Variants in RPS6KC1 observed in about 807,000 individuals in gnomAD.
The protein encoded by RPS6KC1 is ribosomal protein S6 kinase C1, also known as inactive ribosomal protein S6 kinase delta-1.
RPS6KC1 carries 54 observed loss-of-function variants against 103.8 expected under a neutral mutation model. The observed-to-expected ratio is 0.52, with a 90% CI of 0.42 to 0.65. The LOEUF (loss-of-function observed/expected upper bound fraction) is 0.65, where lower values mean the gene tolerates loss of function less well. Among genes scored for constraint, RPS6KC1 ranks in the 30% least tolerant of loss-of-function variants. RPS6KC1 has a pLI of 0.00. For synonymous variants in RPS6KC1, 439 were observed against 438.7 expected (o/e 1.00, Z -0.01); for missense variants, 1,151 against 1,253.8 (o/e 0.92, Z 1.24).
the RPS6KC1 span, among the ~76,000 whole-genome samples, chr1:213,735,525 C>G: frequency 3.3e-5 from 5 of 152,306 alleles, no homozygotes; most frequent in East Asian, 7.7e-4. Context: ...TGAGGTTGGC[C>G]TACAATGTGA....
At chr1:213,324,726 AATCTTG>A in the RPS6KC1 span, among the ~76,000 whole-genome samples, 3 of 150,688 alleles carry the variant, frequency 2.0e-5, no homozygotes, top group African/African-American at 7.3e-5. Flanking sequence ...TATTCCTACT[AATCTTG>A]TGGTGCTTGG....
intron 1 of RPS6KC1, among the ~76,000 whole-genome samples, chr1:213,062,842 C>T (rs1402754044): frequency 1.3e-5 from 2 of 152,092 alleles, no homozygotes; most frequent in African/African-American, 2.4e-5. Context: ...CGTGAGCCAT[C>T]GCATCCGGGC....
the RPS6KC1 span, among the ~76,000 whole-genome samples, chr1:213,407,973 T>G: frequency 6.6e-6 from 1 of 152,184 alleles, no homozygotes; most frequent in Non-Finnish European, 1.5e-5. Flanking sequence ...TTAATAAAAA[T>G]TTATTGAATG....
chr1:213,394,032 G>C, the RPS6KC1 span, among the ~76,000 whole-genome samples: 1 of 152,172 alleles, frequency 6.6e-6, no homozygotes, highest in Non-Finnish European at 1.5e-5. Flanking sequence ...CAAGGGACAT[G>C]GAGCCGTGGA....
chr1:213,243,954 A>G (rs575076154), intron 12 of RPS6KC1, among the ~76,000 whole-genome samples: 5 of 152,300 alleles, frequency 3.3e-5, no homozygotes, highest in South Asian at 2.1e-4. Context: ...GAGAATACCA[A>G]AGTTTTCCAA....
chr1:213,535,021 G>A, the RPS6KC1 span, among the ~76,000 whole-genome samples: 1 of 152,174 alleles, frequency 6.6e-6, no homozygotes, highest in Non-Finnish European at 1.5e-5. Flanking sequence ...ACAACCTACT[G>A]ACACTGCAAA....
At chr1:213,613,988 G>A in the RPS6KC1 span, among the ~76,000 whole-genome samples, 3 of 152,204 alleles carry the variant, frequency 2.0e-5, no homozygotes. Flanking sequence ...CTGGGTGGAG[G>A]AAAGATCTTC....
chr1:213,402,495 T>C, the RPS6KC1 span, among the ~76,000 whole-genome samples: 1 of 152,212 alleles, frequency 6.6e-6, no homozygotes, highest in East Asian at 1.9e-4. Context: ...ATCCTGATGA[T>C]ATTGAGGGTC....
chr1:213,498,543 C>T, the RPS6KC1 span, among the ~76,000 whole-genome samples: 1 of 151,918 alleles, frequency 6.6e-6, no homozygotes, highest in African/African-American at 2.4e-5. Context: ...CAAGCTCTGC[C>T]TCCCAGATTC....
At chr1:213,420,503 G>A in the RPS6KC1 span, among the ~76,000 whole-genome samples, 1 of 152,188 alleles carries the variant, frequency 6.6e-6, no homozygotes, top group African/African-American at 2.4e-5. Flanking sequence ...AAAGGCAAAA[G>A]CAAAGCATCA....
chr1:213,804,870 A>G, the RPS6KC1 span, among the ~76,000 whole-genome samples: 1 of 152,146 alleles, frequency 6.6e-6, no homozygotes, highest in African/African-American at 2.4e-5. Context: ...TGTTTATTTG[A>G]GGGTTTATTT....
chr1:213,790,207 A>C, the RPS6KC1 span, among the ~76,000 whole-genome samples: 1 of 152,146 alleles, frequency 6.6e-6, no homozygotes, highest in Non-Finnish European at 1.5e-5. Context: ...GTAGCTATAA[A>C]CTACCTTCCA....
chr1:213,714,146 C>T, the RPS6KC1 span, among the ~76,000 whole-genome samples: 2 of 152,170 alleles, frequency 1.3e-5, no homozygotes, highest in South Asian at 4.1e-4. Flanking sequence ...TACTTAATTT[C>T]TTGTGCCTCA....
At chr1:213,700,620 C>G in the RPS6KC1 span, among the ~76,000 whole-genome samples, 1 of 151,788 alleles carries the variant, frequency 6.6e-6, no homozygotes, top group Non-Finnish European at 1.5e-5. Flanking sequence ...ATCAAGATTG[C>G]ATTGAATCCA....
At chr1:213,608,909 T>G in the RPS6KC1 span, among the ~76,000 whole-genome samples, 782 of 152,354 alleles carry the variant, frequency 5.1e-3, 2 homozygotes, top group Middle Eastern at 0.014. Context: ...TGACTATTTC[T>G]TGGTTGTTTA....
At chr1:213,335,890 A>C in the RPS6KC1 span, among the ~76,000 whole-genome samples, 1 of 152,226 alleles carries the variant, frequency 6.6e-6, no homozygotes, top group Non-Finnish European at 1.5e-5. Flanking sequence ...GAGAATGTGA[A>C]AAGGCCAAGG....
chr1:213,362,666 T>G, the RPS6KC1 span, among the ~76,000 whole-genome samples: 1 of 152,328 alleles, frequency 6.6e-6, no homozygotes, highest in African/African-American at 2.4e-5. Flanking sequence ...TAATTTTATG[T>G]GTCAACTTGG....
chr1:213,630,081 G>A, the RPS6KC1 span, among the ~76,000 whole-genome samples: 40 of 152,278 alleles, frequency 2.6e-4, no homozygotes, highest in African/African-American at 9.1e-4. Context: ...CTCTTCTCAA[G>A]GAGTATCTTT....
chr1:213,474,262 C>G, the RPS6KC1 span, among the ~76,000 whole-genome samples: 2 of 152,108 alleles, frequency 1.3e-5, no homozygotes, highest in Non-Finnish European at 2.9e-5. Context: ...GGCCCGGATC[C>G]CAGTTCCCAA....
Sources: gnomAD v4.1 joint callset for allele counts (sites outside exome capture counted in the v4.1 genomes callset) on GRCh38, gnomAD v4.1.1 for gene constraint, MANE v1.5 for transcripts, NCBI Gene and HGNC (gene_info 2026-07-23, HGNC 2026-07-21) for gene names.